Variants in CIT observed in about 807,000 individuals in gnomAD.
CIT encodes citron Rho-interacting kinase.
In CIT, 79 loss-of-function variants were observed where a neutral mutation model predicts 272.7. The ratio of observed to expected loss-of-function variants is 0.29; its 90% CI spans 0.24 to 0.35. The LOEUF (loss-of-function observed/expected upper bound fraction) is 0.35, where lower values mean the gene tolerates loss of function less well. CIT is among the 10% of genes least tolerant of loss of function. The probability of loss-of-function intolerance (pLI) is 1.00; values close to 1 mark genes in which losing one functional copy is unlikely to be tolerated. For synonymous variants in CIT, 948 were observed against 995.6 expected, an observed-to-expected ratio of 0.95 and a Z score of 0.90; for missense variants, 1,909 against 2,618.3, an observed-to-expected ratio of 0.73 and a Z score of 5.91.
At chr12:119,817,373 G>A (rs754390826) in intron 9 of CIT, among the ~76,000 whole-genome samples, 21 of 152,030 alleles carry the variant, frequency 1.4e-4, no homozygotes, top group Non-Finnish European at 2.8e-4. Context: ...TTAGCCGGGC[G>A]TGTTGGCGGG....
At chr12:119,797,112 C>G (rs995219826) in intron 10 of CIT, among the ~76,000 whole-genome samples, 1 of 152,220 alleles carries the variant, frequency 6.6e-6, no homozygotes, top group African/African-American at 2.4e-5. Context: ...AGTTGCCAGA[C>G]TGGCGCAGAG....
intron 28 of CIT, among the ~76,000 whole-genome samples, chr12:119,725,978 G>A (rs554043867): frequency 4.0e-5 from 6 of 151,080 alleles, no homozygotes; most frequent in East Asian, 1.9e-4. Flanking sequence ...TTAAGGCCAC[G>A]GGGTGAATTC....
At chr12:119,862,828 A>AAAAAAAAAAAAAAAAAAAC (rs1950388641) in intron 3 of CIT, among the ~76,000 whole-genome samples, 1 of 136,930 alleles carries the variant, frequency 7.3e-6, no homozygotes, top group Non-Finnish European at 1.5e-5. Flanking sequence ...AAAAAAAAAA[A>AAAAAAAAAAAAAAAAAAAC]AAAAAAAAAA....
At chr12:119,850,057 T>G in intron 5 of CIT, 117 bp downstream of exon 5, 1 of 764,100 alleles carries the variant, frequency 1.3e-6, no homozygotes, top group Admixed American at 2.0e-5. Context: ...ACCTGTAAGG[T>G]AAGAAAGTCT....
chr12:119,788,891 TTTTC>T (rs2137752476), intron 10 of CIT, among the ~76,000 whole-genome samples: 1 of 152,290 alleles, frequency 6.6e-6, no homozygotes, highest in East Asian at 1.9e-4. Flanking sequence ...AAAGAAATCT[TTTTC>T]TTTAAGAATA....
At chr12:119,720,182 C>T (rs931201797) in intron 30 of CIT, among the ~76,000 whole-genome samples, 4 of 152,208 alleles carry the variant, frequency 2.6e-5, no homozygotes, top group African/African-American at 9.6e-5. Context: ...CTGCATACAT[C>T]CCTCTGCCCC....
rs1363826969 is a variant in CIT, at chr12:119,784,346, TTTTTG to T, written c.1402-300_1402-296del. On this transcript the variant is annotated intron_variant, in intron 11 of 47. Transcript: ENST00000392521. The surrounding 1 kb of genome is among the most constrained non-coding windows in gnomAD (Gnocchi z 4.7). ...ATCATTTTTCACCTGTTTGCTTTTG[TTTTTG>T]TTTTGTTTTTGCAGACGTCACTTTA... 5.2e-6 allele frequency: 7 copies of T among 1,358,980 alleles called. No individual in the cohort carries two copies. The highest frequency in any genetic ancestry group is 1.3e-5 in the South Asian group (1 of 76,708). 84.2% of individuals were successfully genotyped at this position (1,358,980 alleles called of 1,614,324 possible).
intron 7 of CIT, among the ~76,000 whole-genome samples, chr12:119,831,797 G>A: frequency 6.6e-6 from 1 of 152,150 alleles, no homozygotes; most frequent in East Asian, 1.9e-4. Context: ...TGAACCCAGG[G>A]GGGCGGAGCT....
At chr12:119,821,209 C>T (rs902846377) in intron 9 of CIT, among the ~76,000 whole-genome samples, 9 of 151,594 alleles carry the variant, frequency 5.9e-5, no homozygotes, top group Non-Finnish European at 7.4e-5. Context: ...GCAGGAGAAT[C>T]GCTTGAACCC....
intron 41 of CIT, 73 bp downstream of exon 41, chr12:119,704,290 C>A: frequency 6.9e-7 from 1 of 1,443,056 alleles, no homozygotes; most frequent in South Asian, 1.2e-5. Flanking sequence ...GGACAGTGCA[C>A]TTTCCACACT....
chr12:119,760,203 A>AG (rs1162401212), intron 20 of CIT, among the ~76,000 whole-genome samples: 49 of 151,496 alleles, frequency 3.2e-4, no homozygotes, highest in Admixed American at 7.2e-4. Context: ...AAAAAAAAAA[A>AG]AGAGAGAGAT....
At position 119,721,392 on chromosome 12, in the gene CIT, G is replaced by T. The variant is rs1441146401; in HGVS notation, c.3649C>A (p.Gln1217Lys). ...LQKNHIFRLT[Q>K]GLQEALDRAD... ...CGATCTAGAGCTTCTTGCAGTCCTT[G>T]AGTCAGACGGAAAATGTGATTTTTC... is the stretch of plus-strand genomic sequence containing the variant. The change falls in exon 29 of 48, where the codon CAA becomes AAA. Residue 1217 changes from glutamine to lysine, a missense_variant. Gln to Lys is a moderately conservative substitution (Grantham distance 53, BLOSUM62 1). Around this residue, in one of 8 missense-constraint regions of CIT, gnomAD observed 530 missense variants for 822.4 expected, o/e 0.64. Transcript: ENST00000392521. 1.2e-6 allele frequency: 2 copies of T among 1,611,924 alleles called. No homozygotes were observed. Among genetic ancestry groups the T allele is most frequent in the Non-Finnish European group, 1.7e-6 (2 of 1,178,158 alleles).
intron 40 of CIT, among the ~76,000 whole-genome samples, chr12:119,705,871 C>T (rs1036218313): frequency 6.7e-6 from 1 of 150,302 alleles, no homozygotes; most frequent in Non-Finnish European, 1.5e-5. Flanking sequence ...GGGTGGATCA[C>T]TTGAGGCCAG....
In CIT at chr12:119,822,882, T is replaced by A. The variant is rs1252357911; in HGVS notation, c.1049A>T (p.Lys350Met). Reference protein sequence around the residue: ...SLLCGQKERLKFEGLCCHPFF... With the variant: ...SLLCGQKERLMFEGLCCHPFF... ...AGGATGGCAGCAAAGACCTTCAAACTTCAGTCTCTCTTTCTGGCCGCACAA... is the reference window on the plus strand; with the variant it reads ...AGGATGGCAGCAAAGACCTTCAAACATCAGTCTCTCTTTCTGGCCGCACAA... The change falls in exon 9 of 48, where the codon AAG becomes ATG. Residue 350 changes from lysine (K) to methionine (M), a missense_variant. Physicochemically the swap from Lys to Met is moderately conservative, Grantham distance 95. Transcript: ENST00000392521. 2 of 1,614,034 alleles carry A rather than the reference T, an allele frequency of 1.2e-6. No individual in the cohort carries two copies. Among genetic ancestry groups the A allele is most frequent in the Non-Finnish European group, 1.7e-6 (2 of 1,180,022 alleles).
intron 24 of CIT, among the ~76,000 whole-genome samples, chr12:119,739,458 G>T (rs906024221): frequency 6.6e-6 from 1 of 152,074 alleles, no homozygotes; most frequent in African/African-American, 2.4e-5. Flanking sequence ...TTTCCTAGCG[G>T]AGACAATCTT....
intron 46 of CIT, among the ~76,000 whole-genome samples, chr12:119,693,460 C>G (rs1956067729): frequency 6.6e-6 from 1 of 152,224 alleles, no homozygotes; most frequent in African/African-American, 2.4e-5. Flanking sequence ...GGAACTGGAA[C>G]TGTTTTGATC....
rs147828404 is a variant in CIT, at chr12:119,712,610, G to A, written c.4665C>T (p.Leu1555=). The A allele has an allele frequency of 9.3e-6, 15 of 1,614,030 alleles. No homozygotes were observed. Among genetic ancestry groups the A allele is most frequent in the South Asian group, 2.2e-5 (2 of 91,072 alleles). ...CCTCACCTGCTTTGGCTGTATTTGC[G>A]AGTTCGGAAGCACCAACGGCACCAT... ...SIHGAVGASE[L]ANTAKADVPY... is the part of the protein sequence containing the mutation. Residue 1555 remains leucine (L), a synonymous_variant, in exon 36 of 48, where the codon CTC becomes CTT. Transcript: ENST00000392521. The surrounding 1 kb of genome is among the most constrained non-coding windows in gnomAD (Gnocchi z 5.2).
Position 119,766,574 on chromosome 12 carries a change from G to A in CIT, c.2304+513C>T, listed in dbSNP as rs188784641. On this transcript the variant is annotated intron_variant, in intron 19 of 47. Coordinates refer to ENST00000392521, the MANE Select transcript of CIT (RefSeq NM_001206999.2). ...GACCTAGTATTTGAGAGTACAGTAGGATGACTACAGTCAATAGTAACTTAA... is the reference window on the plus strand; with the variant it reads ...GACCTAGTATTTGAGAGTACAGTAGAATGACTACAGTCAATAGTAACTTAA... Among the ~76,000 whole-genome samples, 4 of 152,232 alleles carry A rather than the reference G, an allele frequency of 2.6e-5. No individual in the cohort carries two copies. The East Asian group carries it at 7.7e-4, about 29-fold the overall frequency.
At chr12:119,775,657 C>T in intron 16 of CIT, 129 bp downstream of exon 16, 1 of 666,276 alleles carries the variant, frequency 1.5e-6, no homozygotes, top group South Asian at 1.9e-5. Context: ...TCGCTCACTC[C>T]CCCTTCATTT....
Sources: gnomAD v4.1 joint callset for allele counts (sites outside exome capture counted in the v4.1 genomes callset) on GRCh38, gnomAD v4.1.1 for gene constraint, gnomAD v4.1.1 regional missense constraint, Gnocchi (gnomAD v3.1) non-coding constraint, MANE v1.5 for transcripts, NCBI Gene and HGNC (gene_info 2026-07-23, HGNC 2026-07-21) for gene names.